TMEM74: variants seen among roughly 807,000 people sequenced by gnomAD.
TMEM74 encodes the protein transmembrane protein 74.
A neutral mutation model predicts 18.1 loss-of-function variants in TMEM74; 13 were observed. That is an observed-to-expected ratio of 0.72 (90% CI 0.47 to 1.14). The LOEUF (loss-of-function observed/expected upper bound fraction) is 1.14. TMEM74 is among the 50% of genes most tolerant of loss of function. TMEM74 has a pLI of 0.00. For synonymous variants in TMEM74, 159 were observed against 146.6 expected (o/e 1.08, Z -0.61); for missense variants, 372 against 375.9 (o/e 0.99, Z 0.09).
At chr8:108,607,607 T>C (rs939407540) in exon 4 of TMEM74, 3 of 152,226 alleles carry the variant, frequency 2.0e-5, no homozygotes, top group African/African-American at 7.2e-5. Flanking sequence ...GTATCACATA[T>C]AGTGATGACA....
intron 1 of TMEM74, among the ~76,000 whole-genome samples, chr8:108,684,291 C>T (rs1813146447): frequency 6.6e-6 from 1 of 152,028 alleles, no homozygotes. Flanking sequence ...CTGATAATAG[C>T]CATCCTAAGT....
chr8:108,608,204 A>T (rs931689884), intron 3 of TMEM74, among the ~76,000 whole-genome samples: 1 of 151,032 alleles, frequency 6.6e-6, no homozygotes, highest in African/African-American at 2.4e-5. Context: ...CGAGAGGCTG[A>T]GGCAGGAGAA....
intron 2 of TMEM74, among the ~76,000 whole-genome samples, chr8:108,634,491 G>A (rs1812587543): frequency 6.6e-6 from 1 of 151,976 alleles, no homozygotes; most frequent in Non-Finnish European, 1.5e-5. Context: ...CTGTGGGCCT[G>A]TTGTAACTTT....
At chr8:108,639,908 G>C (rs1020776817) in intron 2 of TMEM74, among the ~76,000 whole-genome samples, 3 of 151,974 alleles carry the variant, frequency 2.0e-5, no homozygotes, top group Non-Finnish European at 4.4e-5. Context: ...TTGTGGGTAT[G>C]TATGCACTAA....
At chr8:108,749,530 T>C (rs940791917) in intron 1 of TMEM74, among the ~76,000 whole-genome samples, 2 of 152,198 alleles carry the variant, frequency 1.3e-5, no homozygotes, top group African/African-American at 4.8e-5. Flanking sequence ...AAGTTGCCTA[T>C]CAGCTTAAGA....
chr8:108,733,758 A>G (rs1398536090), intron 1 of TMEM74, among the ~76,000 whole-genome samples: 1 of 152,232 alleles, frequency 6.6e-6, no homozygotes, highest in Non-Finnish European at 1.5e-5. Context: ...TGTTGAATAC[A>G]GAACTCTTAT....
chr8:108,633,510 A>C (rs1563736745), intron 2 of TMEM74, among the ~76,000 whole-genome samples: 3 of 152,040 alleles, frequency 2.0e-5, no homozygotes, highest in Non-Finnish European at 2.9e-5. Context: ...TCCTTATGAG[A>C]ATCCACAATG....
chr8:108,695,716 T>G (rs1345968514), intron 1 of TMEM74, among the ~76,000 whole-genome samples: 1 of 152,144 alleles, frequency 6.6e-6, no homozygotes, highest in Non-Finnish European at 1.5e-5. Context: ...TTTCTGCTTC[T>G]CTTGTTTCCA....
chr8:108,785,278 A>G (rs1316911682), intron 1 of TMEM74, 141 bp from the exon 2 acceptor site: 1 of 610,914 alleles, frequency 1.6e-6, no homozygotes, highest in Non-Finnish European at 2.8e-6. Context: ...AAAAGAAGGG[A>G]GGGGATACCT....
intron 1 of TMEM74, among the ~76,000 whole-genome samples, chr8:108,684,770 C>T (rs756040088): frequency 2.0e-5 from 3 of 150,120 alleles, no homozygotes; most frequent in Admixed American, 6.6e-5. Context: ...AGGTGAGAGG[C>T]GGGGGGTTCT....
intron 1 of TMEM74, among the ~76,000 whole-genome samples, chr8:108,659,491 C>A (rs1812879229): frequency 1.3e-5 from 2 of 152,022 alleles, no homozygotes; most frequent in African/African-American, 4.8e-5. Context: ...AGTCTTGGTC[C>A]TTTTCTGCCA....
chr8:108,633,910 G>A (rs1812580114), intron 2 of TMEM74, among the ~76,000 whole-genome samples: 1 of 151,996 alleles, frequency 6.6e-6, no homozygotes, highest in African/African-American at 2.4e-5. Context: ...TATTTGGATA[G>A]GGCAAATGTT....
intron 1 of TMEM74, among the ~76,000 whole-genome samples, chr8:108,758,873 A>G (rs1017385579): frequency 6.6e-6 from 1 of 152,110 alleles, no homozygotes; most frequent in Non-Finnish European, 1.5e-5. Flanking sequence ...TGAAAAATAT[A>G]AACTAAATCA....
chr8:108,643,732 T>C (rs1014732248), intron 2 of TMEM74, among the ~76,000 whole-genome samples: 1 of 150,134 alleles, frequency 6.7e-6, no homozygotes, highest in African/African-American at 2.5e-5. Flanking sequence ...AAAGCAAGAA[T>C]GCATATCCCA....
chr8:108,638,065 T>C (rs562364041), intron 2 of TMEM74, among the ~76,000 whole-genome samples: 1 of 152,274 alleles, frequency 6.6e-6, no homozygotes, highest in East Asian at 1.9e-4. Flanking sequence ...ACTGCACTTC[T>C]ACGTGCATGT....
chr8:108,774,712 G>T (rs1814208878), downstream of TMEM74, among the ~76,000 whole-genome samples: 1 of 151,810 alleles, frequency 6.6e-6, no homozygotes, highest in African/African-American at 2.4e-5. Context: ...AAGTAAATGG[G>T]CATGGATCTT....
intron 2 of TMEM74, chr8:108,655,146 G>A (rs1001479601): frequency 2.6e-5 from 4 of 152,058 alleles, no homozygotes; most frequent in African/African-American, 9.7e-5. Flanking sequence ...CATAATAGCA[G>A]TTTCCATTTC....
At chr8:108,627,611 T>C (rs1186123183) in intron 2 of TMEM74, among the ~76,000 whole-genome samples, 1 of 152,080 alleles carries the variant, frequency 6.6e-6, no homozygotes, top group Admixed American at 6.6e-5. Flanking sequence ...TTGAGAAGAC[T>C]TCTCATACTC....
intron 2 of TMEM74, among the ~76,000 whole-genome samples, chr8:108,644,012 G>T (rs953836623): frequency 6.6e-6 from 1 of 151,976 alleles, no homozygotes; most frequent in African/African-American, 2.4e-5. Context: ...CTAAAGTTCA[G>T]ATAGAACCAA....
Sources: gnomAD v4.1 joint callset for allele counts (sites outside exome capture counted in the v4.1 genomes callset) on GRCh38, gnomAD v4.1.1 for gene constraint, MANE v1.5 for transcripts, NCBI Gene and HGNC (gene_info 2026-07-23, HGNC 2026-07-21) for gene names.